HIVEP2: variants seen among roughly 807,000 people sequenced by gnomAD.
HIVEP2 encodes the protein transcription factor HIVEP2.
Under a neutral mutation model 180.7 loss-of-function variants are expected in HIVEP2, and 14 were observed. The ratio of observed to expected loss-of-function variants is 0.08; its 90% CI spans 0.05 to 0.12. The LOEUF (loss-of-function observed/expected upper bound fraction) is 0.12, where lower values mean the gene tolerates loss of function less well. HIVEP2 is among the 10% of genes least tolerant of loss of function. The pLI, the probability that HIVEP2 is intolerant of heterozygous loss-of-function variation, is 1.00. For missense variants in HIVEP2, 2,579 were observed against 3,008.5 expected, an observed-to-expected ratio of 0.86 and a Z score of 3.34; for synonymous variants, 1,184 against 1,136.4, an observed-to-expected ratio of 1.04 and a Z score of -0.84.
At chr6:142,935,775 A>G (rs1269572986) in intron 1 of HIVEP2, among the ~76,000 whole-genome samples, 2 of 152,192 alleles carry the variant, frequency 1.3e-5, no homozygotes, top group Non-Finnish European at 2.9e-5. Flanking sequence ...CATGTCATAC[A>G]CTGTATTGAG....
At chr6:142,762,148 A>T (rs1227434294) in intron 7 of HIVEP2, among the ~76,000 whole-genome samples, 1 of 152,140 alleles carries the variant, frequency 6.6e-6, no homozygotes, top group African/African-American at 2.4e-5. Context: ...ACTCATAGGG[A>T]GCATTATTCC....
intron 1 of HIVEP2, among the ~76,000 whole-genome samples, chr6:142,882,817 T>C (rs1288710675): frequency 6.6e-6 from 1 of 152,138 alleles, no homozygotes; most frequent in African/African-American, 2.4e-5. Flanking sequence ...CAGTGTCACA[T>C]TACCTCAATG....
chr6:142,781,737 C>T (rs1419942307), intron 3 of HIVEP2, among the ~76,000 whole-genome samples: 2 of 152,160 alleles, frequency 1.3e-5, no homozygotes, highest in Admixed American at 6.5e-5. Flanking sequence ...CAGAGTCCCA[C>T]TCAAATAAGT....
chr6:142,809,429 C>T (rs1325545523), intron 2 of HIVEP2, among the ~76,000 whole-genome samples: 2 of 152,140 alleles, frequency 1.3e-5, no homozygotes, highest in African/African-American at 4.8e-5. Context: ...GTAACTACTG[C>T]CCCCGTGTCT....
chr6:142,761,743 A>G (rs1017879385), intron 7 of HIVEP2, among the ~76,000 whole-genome samples, 178 bp from the exon 8 acceptor site: 6 of 152,204 alleles, frequency 3.9e-5, no homozygotes, highest in Non-Finnish European at 8.8e-5. Flanking sequence ...CTGGTCTTTG[A>G]AGATATCAAT....
At chr6:142,812,277 A>G (rs969825167) in intron 2 of HIVEP2, among the ~76,000 whole-genome samples, 1 of 152,204 alleles carries the variant, frequency 6.6e-6, no homozygotes, top group Non-Finnish European at 1.5e-5. Flanking sequence ...ACCTGAAAGT[A>G]TTAGAGGGAA....
chr6:142,895,149 A>T (rs1467595951), intron 1 of HIVEP2, among the ~76,000 whole-genome samples: 1 of 152,200 alleles, frequency 6.6e-6, no homozygotes, highest in Non-Finnish European at 1.5e-5. Context: ...TTAAATTTAT[A>T]GCCAGTTACC....
intron 1 of HIVEP2, among the ~76,000 whole-genome samples, chr6:142,916,596 C>A (rs889922561): frequency 6.6e-6 from 1 of 152,190 alleles, no homozygotes; most frequent in Non-Finnish European, 1.5e-5. Context: ...TCAGAAAAAT[C>A]TTTCCCTGAC....
At chr6:142,927,606 A>G (rs1777848580) in intron 1 of HIVEP2, among the ~76,000 whole-genome samples, 1 of 152,204 alleles carries the variant, frequency 6.6e-6, no homozygotes, top group African/African-American at 2.4e-5. Flanking sequence ...AAGTTATCCT[A>G]TCTCAACTAA....
At chr6:142,899,973 T>C (rs1217588163) in intron 1 of HIVEP2, among the ~76,000 whole-genome samples, 1 of 152,178 alleles carries the variant, frequency 6.6e-6, no homozygotes, top group Non-Finnish European at 1.5e-5. Context: ...GAGATGATTC[T>C]TAGTGGAGAG....
intron 1 of HIVEP2, among the ~76,000 whole-genome samples, chr6:142,926,771 CT>C (rs758190490): frequency 3.9e-5 from 6 of 152,184 alleles, no homozygotes; most frequent in Non-Finnish European, 7.4e-5. Flanking sequence ...CGCGTTCTCC[CT>C]CCCGGACCAG....
chr6:142,918,927 T>A (rs773292933), intron 1 of HIVEP2, among the ~76,000 whole-genome samples: 1 of 152,232 alleles, frequency 6.6e-6, no homozygotes, highest in South Asian at 2.1e-4. Flanking sequence ...AACACATTCA[T>A]GTTTCTTTAT....
intron 1 of HIVEP2, among the ~76,000 whole-genome samples, chr6:142,927,041 C>A (rs2128437086): frequency 6.6e-6 from 1 of 151,608 alleles, no homozygotes; most frequent in East Asian, 1.9e-4. Flanking sequence ...GCCAGGGCTC[C>A]CCTCTCCCGC....
chr6:142,813,358 T>C (rs1776745976), intron 2 of HIVEP2, among the ~76,000 whole-genome samples: 1 of 152,208 alleles, frequency 6.6e-6, no homozygotes, highest in African/African-American at 2.4e-5. Flanking sequence ...CACCTATGTC[T>C]CTCTGTTATC....
At chr6:142,786,757 T>C (rs1293114661) in intron 2 of HIVEP2, among the ~76,000 whole-genome samples, 2 of 152,234 alleles carry the variant, frequency 1.3e-5, no homozygotes, top group Non-Finnish European at 2.9e-5. Flanking sequence ...TTCCATTCTC[T>C]ACTTTTCCAA....
At chr6:142,888,267 T>G (rs1395003683) in intron 1 of HIVEP2, among the ~76,000 whole-genome samples, 1 of 152,110 alleles carries the variant, frequency 6.6e-6, no homozygotes, top group East Asian at 1.9e-4. Context: ...TGCAGTGCAA[T>G]GGTGTGACCA....
Position 142,760,125 on chromosome 6 carries a change from A to C in HIVEP2, c.6163T>G (p.Cys2055Gly). ...TACCTCTTTGGTGAATTATCTCGAC[A>C]GGGTGAAGAATCATATCCTGGAGAG... is the stretch of plus-strand genomic sequence containing the variant. The part of the protein sequence containing the change: ...HSSPGYDSSP[C>G]RDNSPKRYLI... The change falls in exon 9 of 10, where the codon TGT (cysteine) becomes GGT (glycine). Residue 2055 changes from cysteine to glycine, a missense_variant. Coordinates refer to ENST00000367603, the MANE Select transcript of HIVEP2 (RefSeq NM_006734.4). The C allele has an allele frequency of 6.2e-7, 1 of 1,614,076 alleles. No homozygotes were observed. The highest frequency in any genetic ancestry group is 8.5e-7 in the Non-Finnish European group (1 of 1,180,032).
intron 2 of HIVEP2, among the ~76,000 whole-genome samples, chr6:142,812,522 C>T (rs1465055364): frequency 6.6e-6 from 1 of 152,096 alleles, no homozygotes; most frequent in East Asian, 1.9e-4. Context: ...CCATAACAAA[C>T]CTCCGTAAAA....
chr6:142,862,777 G>T (rs1236818787), intron 1 of HIVEP2, among the ~76,000 whole-genome samples: 1 of 129,950 alleles, frequency 7.7e-6, no homozygotes, highest in Non-Finnish European at 1.6e-5. Context: ...TATATTATAT[G>T]TAATTATATT....
Sources: gnomAD v4.1 joint callset for allele counts (sites outside exome capture counted in the v4.1 genomes callset) on GRCh38, gnomAD v4.1.1 for gene constraint, MANE v1.5 for transcripts, NCBI Gene and HGNC (gene_info 2026-07-23, HGNC 2026-07-21) for gene names.